Variants in PRLR observed in about 807,000 individuals in gnomAD.
PRLR encodes the protein prolactin receptor, also known as hPRL receptor.
Under a neutral mutation model 40.2 loss-of-function variants are expected in PRLR, and 13 were observed. The observed-to-expected ratio is 0.32, with a 90% CI of 0.21 to 0.51. The LOEUF is 0.51. Among genes scored for constraint, PRLR ranks in the 20% least tolerant of loss-of-function variants. The pLI is 0.97. For missense variants in PRLR, 656 were observed against 747.3 expected (o/e 0.88, Z 1.42); for synonymous variants, 269 against 278.7 (o/e 0.97, Z 0.35).
downstream of PRLR, among the ~76,000 whole-genome samples, chr5:35,054,313 T>C (rs1405173421): frequency 6.6e-6 from 1 of 152,206 alleles, no homozygotes; most frequent in Non-Finnish European, 1.5e-5. Context: ...TCTAGGTGTA[T>C]ATTTTGGAGA....
intron 1 of PRLR, among the ~76,000 whole-genome samples, chr5:35,167,186 T>A (rs1774864011): frequency 7.1e-6 from 1 of 141,812 alleles, no homozygotes; most frequent in African/African-American, 2.6e-5. Context: ...TCTATCTATC[T>A]ATCATCTAAC....
chr5:35,137,911 G>A (rs1773908256), intron 1 of PRLR, among the ~76,000 whole-genome samples: 1 of 152,154 alleles, frequency 6.6e-6, no homozygotes, highest in South Asian at 2.1e-4. Context: ...CTCCAGCCTG[G>A]ATGACAGAGC....
intron 1 of PRLR, among the ~76,000 whole-genome samples, chr5:35,122,779 C>G (rs150602163): frequency 1.3e-5 from 2 of 152,302 alleles, no homozygotes; most frequent in East Asian, 3.9e-4. Flanking sequence ...TTGGGGCAGG[C>G]TGAACTTGAG....
At chr5:35,074,876 T>TAGG (rs949358081) in intron 5 of PRLR, among the ~76,000 whole-genome samples, 5 of 151,982 alleles carry the variant, frequency 3.3e-5, no homozygotes, top group Admixed American at 6.6e-5. Context: ...TCCTAAGACT[T>TAGG]AGGTGCTGGG....
At chr5:35,137,762 A>G (rs1429669858) in intron 1 of PRLR, among the ~76,000 whole-genome samples, 1 of 152,172 alleles carries the variant, frequency 6.6e-6, no homozygotes, top group Non-Finnish European at 1.5e-5. Flanking sequence ...GTGGGAATCA[A>G]CCAGGAGGAA....
chr5:35,168,745 G>C (rs1406176338), intron 1 of PRLR, among the ~76,000 whole-genome samples: 1 of 151,966 alleles, frequency 6.6e-6, no homozygotes, highest in African/African-American at 2.4e-5. Context: ...GAATTAAATA[G>C]CCCTGGGAAG....
chr5:35,110,924 T>G (rs977283568), intron 2 of PRLR, among the ~76,000 whole-genome samples: 3 of 152,204 alleles, frequency 2.0e-5, no homozygotes, highest in Non-Finnish European at 4.4e-5. Flanking sequence ...TCATGCCCTG[T>G]CTACAAAACA....
chr5:35,180,477 T>C (rs922510081), intron 1 of PRLR, among the ~76,000 whole-genome samples: 7 of 152,154 alleles, frequency 4.6e-5, no homozygotes, highest in Admixed American at 2.6e-4. Context: ...TCTGCCATGA[T>C]TGTAAGTTTC....
chr5:35,199,178 G>T (rs1437777691), intron 1 of PRLR, among the ~76,000 whole-genome samples: 2 of 152,142 alleles, frequency 1.3e-5, no homozygotes, highest in Non-Finnish European at 2.9e-5. Context: ...AAATCTATGA[G>T]CTCTTCTTAA....
chr5:35,229,467 GA>G (rs1185568433), intron 1 of PRLR, among the ~76,000 whole-genome samples: 1 of 152,146 alleles, frequency 6.6e-6, no homozygotes, highest in East Asian at 1.9e-4. Context: ...TCTACTCAAA[GA>G]GCCAGAACTC....
intron 1 of PRLR, among the ~76,000 whole-genome samples, chr5:35,225,964 G>C (rs146253188): frequency 6.6e-6 from 1 of 152,218 alleles, no homozygotes; most frequent in African/African-American, 2.4e-5. Flanking sequence ...TTACAGGCAT[G>C]AGCCACCACA....
intron 1 of PRLR, among the ~76,000 whole-genome samples, chr5:35,204,203 A>C (rs1775952340): frequency 6.6e-6 from 1 of 150,710 alleles, no homozygotes; most frequent in African/African-American, 2.4e-5. Context: ...ACAAGAGTAA[A>C]ATTTCTGTCT....
chr5:35,108,566 C>A (rs1772429688), intron 2 of PRLR, among the ~76,000 whole-genome samples: 1 of 152,076 alleles, frequency 6.6e-6, no homozygotes, highest in East Asian at 1.9e-4. Flanking sequence ...TCCTATACAC[C>A]AATAAGAGAT....
chr5:35,162,050 A>C (rs543018914), intron 1 of PRLR, among the ~76,000 whole-genome samples: 5 of 152,364 alleles, frequency 3.3e-5, no homozygotes, highest in Admixed American at 6.5e-5. Context: ...CGTGATTCAC[A>C]GTCACAATAA....
At chr5:35,131,210 T>A (rs1773658390) in intron 1 of PRLR, among the ~76,000 whole-genome samples, 1 of 152,190 alleles carries the variant, frequency 6.6e-6, no homozygotes, top group African/African-American at 2.4e-5. Flanking sequence ...GTATTTTTAA[T>A]CAGTGAAAAA....
intron 2 of PRLR, among the ~76,000 whole-genome samples, chr5:35,096,821 T>C (rs932325783): frequency 6.6e-6 from 1 of 152,118 alleles, no homozygotes; most frequent in South Asian, 2.1e-4. Context: ...GGCTTTACCA[T>C]GTTGGCCAGG....
chr5:35,227,346 C>A (rs1776578182), intron 1 of PRLR, among the ~76,000 whole-genome samples: 1 of 152,288 alleles, frequency 6.6e-6, no homozygotes, highest in East Asian at 1.9e-4. Context: ...CAAAGTCAGA[C>A]AGACCTGGGC....
intron 1 of PRLR, among the ~76,000 whole-genome samples, chr5:35,228,504 G>A (rs1333831407): frequency 1.3e-5 from 2 of 152,204 alleles, no homozygotes; most frequent in Non-Finnish European, 2.9e-5. Context: ...GCCTCAGGGA[G>A]CAAAGACTGC....
At chr5:35,175,894 G>A (rs1775134563) in intron 1 of PRLR, among the ~76,000 whole-genome samples, 1 of 152,118 alleles carries the variant, frequency 6.6e-6, no homozygotes, top group South Asian at 2.1e-4. Flanking sequence ...GGCCAAAGGG[G>A]GAAAGGATCT....
Sources: gnomAD v4.1 joint callset for allele counts (sites outside exome capture counted in the v4.1 genomes callset) on GRCh38, gnomAD v4.1.1 for gene constraint, MANE v1.5 for transcripts, NCBI Gene and HGNC (gene_info 2026-07-23, HGNC 2026-07-21) for gene names.